Variants in PARD3B observed in about 807,000 individuals in gnomAD.
PARD3B encodes the protein partitioning defective 3 homolog B.
Under a neutral mutation model 130.2 loss-of-function variants are expected in PARD3B, and 103 were observed. The ratio of observed to expected loss-of-function variants is 0.79; its 90% CI spans 0.67 to 0.93. The LOEUF (loss-of-function observed/expected upper bound fraction) is 0.93, where lower values mean the gene tolerates loss of function less well. Ranked by LOEUF, PARD3B falls within the 40% of genes least tolerant of loss-of-function variation. PARD3B has a pLI of 0.00. For synonymous variants in PARD3B, 583 were observed against 553.2 expected (o/e 1.05, Z -0.76); for missense variants, 1,609 against 1,499.2 (o/e 1.07, Z -1.21).
intron 1 of PARD3B, among the ~76,000 whole-genome samples, chr2:204,579,575 A>C (rs73057279): frequency 0.044 from 6,750 of 152,230 alleles, 406 homozygotes; most frequent in East Asian, 0.13. Flanking sequence ...AAAATTGGAG[A>C]GGTATGATTT....
Position 205,440,157 on chromosome 2 carries a change from G to T in PARD3B, c.2742-213G>T, listed in dbSNP as rs2047661175. ...AAGATATCAAAATACCCATAGCATTGCTATCAAAGTAAAGACCCTGTAACA... is the reference window on the plus strand; with the variant it reads ...AAGATATCAAAATACCCATAGCATTTCTATCAAAGTAAAGACCCTGTAACA... On this transcript the variant is annotated intron_variant, in intron 19 of 22. Coordinates refer to ENST00000406610, the MANE Select transcript of PARD3B (RefSeq NM_001302769.2). This position sits in a 1 kb window ranked among gnomAD's most constrained non-coding sequence, Gnocchi z 4.2. 6.6e-6 allele frequency among the ~76,000 whole-genome samples: 1 copy of T among 152,100 alleles called. No individual in the cohort carries two copies. The highest frequency in any genetic ancestry group is 1.5e-5 in the Non-Finnish European group (1 of 68,016).
Position 205,185,792 on chromosome 2 carries a change from C to T in PARD3B, c.1953C>T (p.Ala651=), listed in dbSNP as rs202009891. Residue 651 remains alanine, a synonymous_variant, in exon 14 of 23, where the codon GCC becomes GCT. Coordinates refer to ENST00000406610, the MANE Select transcript of PARD3B (RefSeq NM_001302769.2). ...TATTGCTGCCCAATGACGGATGGGCCGAGAGTGAAGTTCCACCTTCTCCAA... is the reference window on the plus strand; with the variant it reads ...TATTGCTGCCCAATGACGGATGGGCTGAGAGTGAAGTTCCACCTTCTCCAA... ...KGLLLPNDGW[A]ESEVPPSPTP... 40 of 1,613,876 alleles carry T rather than the reference C, an allele frequency of 2.5e-5. No homozygotes were observed. Among genetic ancestry groups the T allele is most frequent in the African/African-American group, 1.6e-4 (12 of 74,882 alleles).
chr2:205,080,023 A>G (rs1193689491), intron 4 of PARD3B, among the ~76,000 whole-genome samples: 1 of 152,136 alleles, frequency 6.6e-6, no homozygotes, highest in Non-Finnish European at 1.5e-5. Context: ...GTACATTTAA[A>G]CTAGTATTTT....
intron 18 of PARD3B, among the ~76,000 whole-genome samples, chr2:205,380,278 A>T (rs866709375): frequency 0.038 from 701 of 18,490 alleles, 210 homozygotes; most frequent in African/African-American, 0.17. Context: ...ATATTATATA[A>T]TATATAAAGA....
chr2:205,065,042 A>G (rs1045482724), intron 4 of PARD3B, among the ~76,000 whole-genome samples: 1 of 152,176 alleles, frequency 6.6e-6, no homozygotes, highest in Non-Finnish European at 1.5e-5. Context: ...TCCTTTAGCT[A>G]TTGCAGTCTC....
intron 15 of PARD3B, among the ~76,000 whole-genome samples, chr2:205,222,609 G>T (rs921641317): frequency 6.6e-6 from 1 of 152,206 alleles, no homozygotes; most frequent in Non-Finnish European, 1.5e-5. Context: ...GGAAACAGAG[G>T]TGTGTTTTCC....
chr2:205,170,710 T>C (rs12694018), intron 11 of PARD3B, among the ~76,000 whole-genome samples: 114,993 of 151,758 alleles, frequency 0.76, 43,956 homozygotes, highest in African/African-American at 0.81. Flanking sequence ...ACGACCCGTC[T>C]GCACAGTTTC....
rs188240830 is a variant in PARD3B at position 205,002,444 on chromosome 2, G to A, written c.394+37121G>A. Among the ~76,000 whole-genome samples the A allele has an allele frequency of 1.7e-3, 252 of 152,176 alleles. 2 individuals carry two copies. The highest frequency in any genetic ancestry group is 5.6e-3 in the African/African-American group (234 of 41,522). ...TCTGCGACTGACATCTTTACCTGGAGGAAAACATTTCATTTTCCCAAGTCC... is the reference window on the plus strand; with the variant it reads ...TCTGCGACTGACATCTTTACCTGGAAGAAAACATTTCATTTTCCCAAGTCC... On this transcript the variant is annotated intron_variant, in intron 3 of 22. Transcript: ENST00000406610.
At chr2:204,871,357 G>A (rs2045623245) in intron 2 of PARD3B, among the ~76,000 whole-genome samples, 1 of 152,040 alleles carries the variant, frequency 6.6e-6, no homozygotes, top group African/African-American at 2.4e-5. Flanking sequence ...TACTAATCAT[G>A]TCATATTTCT....
At position 205,615,987 on chromosome 2, in the gene PARD3B, G is replaced by C. The variant is rs2055420960; in HGVS notation, c.*174G>C. ...ATCAGAGAGAAAAAGAAGGGGAAGG[G>C]AATTGGGGAGGAAAAAAAATCAGAA... On this transcript the variant is annotated 3_prime_UTR_variant, in exon 23 of 23. Transcript: ENST00000406610. 8 of 602,076 alleles carry C rather than the reference G, an allele frequency of 1.3e-5. No individual in the cohort carries two copies. In the South Asian group the frequency reaches 2.5e-4, roughly 19 times the overall value. 37.3% of individuals were successfully genotyped at this position (602,076 alleles called of 1,614,324 possible).
chr2:204,582,820 A>G (rs1226082822), intron 1 of PARD3B, among the ~76,000 whole-genome samples: 2 of 152,192 alleles, frequency 1.3e-5, no homozygotes, highest in Non-Finnish European at 2.9e-5. Context: ...AATGATTGCC[A>G]TTCTAACTGG....
In PARD3B at chr2:205,253,444, T is replaced by C. The variant is rs1318395074; in HGVS notation, c.2185+7622T>C. The stretch of plus-strand genomic sequence containing the variant: ...GCTGGGCTGGTGGATGGGAAGCCAG[T>C]ATGGATCACCTTGTGGATGGATGCA... On this transcript the variant is annotated intron_variant, in intron 16 of 22. Coordinates refer to ENST00000406610, the MANE Select transcript of PARD3B (RefSeq NM_001302769.2). This position sits in a 1 kb window ranked among gnomAD's most constrained non-coding sequence, Gnocchi z 4.4. 1.2e-5 allele frequency: 7 copies of C among 563,094 alleles called. No individual in the cohort carries two copies. The highest frequency in any genetic ancestry group is 2.5e-5 in the Non-Finnish European group (7 of 278,656). The allele number at this position is 563,094 out of a possible 1,614,324, so 34.9% of individuals were successfully genotyped here.
At chr2:205,164,822 T>TACACACACACACAC (rs71032448) in intron 11 of PARD3B, among the ~76,000 whole-genome samples, 4,173 of 147,292 alleles carry the variant, frequency 0.028, 75 homozygotes, top group African/African-American at 0.046. Flanking sequence ...TATATATGTA[T>TACACACACACACAC]ACACACACAC....
intron 1 of PARD3B, among the ~76,000 whole-genome samples, chr2:204,641,420 T>A (rs1162027922): frequency 6.6e-6 from 1 of 151,808 alleles, no homozygotes; most frequent in Non-Finnish European, 1.5e-5. Flanking sequence ...GATGAGATAA[T>A]GTACTTATGT....
intron 2 of PARD3B, among the ~76,000 whole-genome samples, chr2:204,899,043 G>A (rs973515716): frequency 1.6e-5 from 2 of 126,178 alleles, no homozygotes; most frequent in Admixed American, 7.3e-5. Flanking sequence ...TGTAGGCAAC[G>A]GAATATTAGG....
intron 18 of PARD3B, among the ~76,000 whole-genome samples, chr2:205,399,577 A>T (rs903330464): frequency 1.3e-5 from 2 of 151,302 alleles, no homozygotes; most frequent in Non-Finnish European, 2.9e-5. Context: ...CTGGTCTTGA[A>T]CTCCTGACCT....
At chr2:204,764,712 A>T (rs1035368570) in intron 2 of PARD3B, among the ~76,000 whole-genome samples, 1 of 43,076 alleles carries the variant, frequency 2.3e-5, no homozygotes, top group African/African-American at 5.9e-5. Flanking sequence ...TCTGGCATGC[A>T]TGCGTGTGTG....
intron 19 of PARD3B, among the ~76,000 whole-genome samples, chr2:205,422,678 T>G (rs1470846062): frequency 6.6e-6 from 1 of 152,206 alleles, no homozygotes; most frequent in Non-Finnish European, 1.5e-5. Flanking sequence ...ATTAGCAATT[T>G]GCAGTTCCCA....
At chr2:205,284,880 A>G (rs967170897) in intron 16 of PARD3B, among the ~76,000 whole-genome samples, 1 of 152,070 alleles carries the variant, frequency 6.6e-6, no homozygotes, top group African/African-American at 2.4e-5. Flanking sequence ...GATGGGAAAA[A>G]CTGTTTAATG....
Sources: allele counts gnomAD v4.1 joint callset (sites outside exome capture counted in the v4.1 genomes callset), GRCh38; gene constraint gnomAD v4.1.1; non-coding constraint Gnocchi (gnomAD v3.1); transcripts MANE v1.5; gene names NCBI Gene and HGNC (gene_info 2026-07-23, HGNC 2026-07-21).